MAPKAP1: variants seen among roughly 807,000 people sequenced by gnomAD.
MAPKAP1 encodes MAPK associated protein 1.
In MAPKAP1, 20 loss-of-function variants were observed where a neutral mutation model predicts 65.7. The ratio of observed to expected loss-of-function variants is 0.30; its 90% CI spans 0.21 to 0.44. The LOEUF (loss-of-function observed/expected upper bound fraction) is 0.44, where lower values mean the gene tolerates loss of function less well. MAPKAP1 is among the 20% of genes least tolerant of loss of function. MAPKAP1 has a pLI of 1.00. For missense variants in MAPKAP1, 423 were observed against 648.0 expected (o/e 0.65, Z 3.77); for synonymous variants, 222 against 244.3 (o/e 0.91, Z 0.85).
chr9:125,652,350 G>A (rs1833919163), intron 4 of MAPKAP1: 1 of 800,588 alleles, frequency 1.2e-6, no homozygotes, highest in Non-Finnish European at 1.5e-6. Context: ...AATTGCCACA[G>A]CATTCATATT....
At chr9:125,466,804 G>A (rs1853698211) in intron 10 of MAPKAP1, among the ~76,000 whole-genome samples, 1 of 152,150 alleles carries the variant, frequency 6.6e-6, no homozygotes, top group African/African-American at 2.4e-5. Flanking sequence ...CAAGCTGTAG[G>A]CGAATGAGCT....
At chr9:125,673,717 C>G (rs1407360142) in intron 1 of MAPKAP1, among the ~76,000 whole-genome samples, 1 of 151,822 alleles carries the variant, frequency 6.6e-6, no homozygotes, top group Non-Finnish European at 1.5e-5. Context: ...TCCAGGAGTT[C>G]AAGACCAACA....
intron 6 of MAPKAP1, among the ~76,000 whole-genome samples, chr9:125,556,506 C>G (rs1186877106): frequency 6.6e-6 from 1 of 152,222 alleles, no homozygotes; most frequent in African/African-American, 2.4e-5. Flanking sequence ...TTCATAAAAA[C>G]TGGGCTATTT....
At chr9:125,519,638 C>CAT (rs1829562003) in intron 7 of MAPKAP1, among the ~76,000 whole-genome samples, 1 of 134,796 alleles carries the variant, frequency 7.4e-6, no homozygotes, top group Admixed American at 8.4e-5. Flanking sequence ...AATATATATA[C>CAT]ATATATATGT....
chr9:125,682,337 A>G (rs1230237100), intron 1 of MAPKAP1, among the ~76,000 whole-genome samples: 3 of 152,260 alleles, frequency 2.0e-5, no homozygotes, highest in Non-Finnish European at 4.4e-5. Context: ...ATAAGGTTGA[A>G]GAACTGTTAA....
In MAPKAP1 at chr9:125,454,442, G is replaced by A. The variant is rs1853085977; in HGVS notation, c.1346-9844C>T. Among the ~76,000 whole-genome samples, 6 of 152,342 alleles carry A rather than the reference G, an allele frequency of 3.9e-5. No individual in the cohort carries two copies. In the South Asian group the frequency reaches 1.2e-3, roughly 32 times the overall value. On this transcript the variant is annotated intron_variant, in intron 10 of 11. Transcript: ENST00000265960. Reference sequence around the variant, plus strand: ...CTATCCAGAATCACTGGAGTGGAGAGCTAGGGTAACCTTTGTGCAAAAAGC... The same window carrying A: ...CTATCCAGAATCACTGGAGTGGAGAACTAGGGTAACCTTTGTGCAAAAAGC...
At chr9:125,701,607 T>C (rs906468273) in intron 1 of MAPKAP1, among the ~76,000 whole-genome samples, 1 of 152,226 alleles carries the variant, frequency 6.6e-6, no homozygotes, top group African/African-American at 2.4e-5. Flanking sequence ...TGGGTGCCGA[T>C]TTCTTCATCT....
intron 1 of MAPKAP1, among the ~76,000 whole-genome samples, chr9:125,683,976 C>A (rs575535161): frequency 3.5e-4 from 54 of 152,266 alleles, no homozygotes; most frequent in African/African-American, 1.3e-3. Context: ...TTCTCCAATA[C>A]AAATCTTATT....
chr9:125,626,838 C>T (rs1833133080), intron 4 of MAPKAP1, among the ~76,000 whole-genome samples: 1 of 152,178 alleles, frequency 6.6e-6, no homozygotes, highest in African/African-American at 2.4e-5. Flanking sequence ...GTCCAAAATA[C>T]TTAACAATAA....
At chr9:125,523,847 C>T (rs576613117) in intron 7 of MAPKAP1, among the ~76,000 whole-genome samples, 13 of 152,290 alleles carry the variant, frequency 8.5e-5, no homozygotes, top group African/African-American at 2.4e-4. Flanking sequence ...GCAGTTCCCC[C>T]GCTGTCCTTA....
At chr9:125,510,954 A>G (rs973150836) in intron 7 of MAPKAP1, among the ~76,000 whole-genome samples, 1 of 152,120 alleles carries the variant, frequency 6.6e-6, no homozygotes, top group African/African-American at 2.4e-5. Flanking sequence ...TTGGGGCCCA[A>G]TTGCCTTGGC....
At position 125,574,317 on chromosome 9, in the gene MAPKAP1, C is replaced by T. The variant is rs145927631; in HGVS notation, c.671+11238G>A. 4.2e-3 allele frequency among the ~76,000 whole-genome samples: 647 copies of T among 152,312 alleles called. 4 individuals are homozygous for T. Among genetic ancestry groups the T allele is most frequent in the African/African-American group, 0.015 (605 of 41,570 alleles). ...AGAAGAATGAGAAAAGCATTTCTGA[C>T]TACAGAAATAGCAAAAGCACTTATG... On this transcript the variant is annotated intron_variant, in intron 5 of 11. Transcript: ENST00000265960.
intron 1 of MAPKAP1, among the ~76,000 whole-genome samples, chr9:125,694,019 T>A (rs543366564): frequency 2.2e-4 from 34 of 151,640 alleles, no homozygotes; most frequent in Middle Eastern, 3.4e-3. Flanking sequence ...TGTATTAAAA[T>A]TTTTTTTTAA....
At chr9:125,473,078 CTTTTTTTTT>C (rs77182446) in intron 9 of MAPKAP1, among the ~76,000 whole-genome samples, 1 of 133,288 alleles carries the variant, frequency 7.5e-6, no homozygotes, top group African/African-American at 2.7e-5. Context: ...TTCAGCAGAA[CTTTTTTTTT>C]TTTTTTTTTA....
At chr9:125,674,475 T>G (rs1039438975) in intron 1 of MAPKAP1, among the ~76,000 whole-genome samples, 1 of 152,224 alleles carries the variant, frequency 6.6e-6, no homozygotes, top group Non-Finnish European at 1.5e-5. Context: ...AAAGCTGGAT[T>G]GACTATGTTT....
intron 5 of MAPKAP1, among the ~76,000 whole-genome samples, chr9:125,566,514 C>T (rs1338447287): frequency 6.6e-6 from 1 of 151,930 alleles, no homozygotes; most frequent in East Asian, 1.9e-4. Flanking sequence ...CCGTGAGCTG[C>T]GATTGCACCC....
chr9:125,569,260 C>A (rs1205936012), intron 5 of MAPKAP1, among the ~76,000 whole-genome samples: 2 of 152,180 alleles, frequency 1.3e-5, no homozygotes, highest in Admixed American at 1.3e-4. Context: ...CTCTAAAAAT[C>A]ATATTAAATA....
intron 10 of MAPKAP1, among the ~76,000 whole-genome samples, chr9:125,452,834 G>A (rs537122983): frequency 5.9e-5 from 9 of 152,008 alleles, no homozygotes; most frequent in African/African-American, 7.2e-5. Context: ...GCAGTAAGGC[G>A]GAATCATGTC....
chr9:125,534,678 C>T (rs1329013529), intron 7 of MAPKAP1, among the ~76,000 whole-genome samples: 1 of 152,156 alleles, frequency 6.6e-6, no homozygotes, highest in Non-Finnish European at 1.5e-5. Context: ...ATATATTGCC[C>T]TTCTTTCAAT....
Sources: allele counts gnomAD v4.1 joint callset (sites outside exome capture counted in the v4.1 genomes callset), GRCh38; gene constraint gnomAD v4.1.1; transcripts MANE v1.5; gene names NCBI Gene and HGNC (gene_info 2026-07-23, HGNC 2026-07-21).